TET3: variants seen among roughly 807,000 people sequenced by gnomAD.
TET3 encodes methylcytosine dioxygenase TET3.
A neutral mutation model predicts 141.4 loss-of-function variants in TET3; 19 were observed. The ratio of observed to expected loss-of-function variants is 0.13; its 90% confidence interval spans 0.09 to 0.20. The LOEUF is 0.20. Among genes scored for constraint, TET3 ranks in the 10% least tolerant of loss-of-function variants. The pLI is 1.00. For synonymous variants in TET3, 1,043 were observed against 980.9 expected (o/e 1.06, Z -1.18); for missense variants, 1,874 against 2,356.9 (o/e 0.80, Z 4.24).
At position 74,046,473 on chromosome 2, in the gene TET3, C is replaced by T. The variant is rs1573776877; in HGVS notation, c.556C>T (p.Pro186Ser). 1.9e-6 allele frequency: 3 copies of T among 1,612,846 alleles called. No individual in the cohort carries two copies. The highest frequency in any genetic ancestry group is 2.5e-6 in the Non-Finnish European group (3 of 1,179,212). The change falls in exon 4 of 12, where the codon CCA becomes TCA. Residue 186 changes from proline (P) to serine (S), a missense_variant. By Grantham distance (74) the Pro-to-Ser change is moderately conservative (BLOSUM62 -1). Coordinates refer to ENST00000409262, the MANE Select transcript of TET3 (RefSeq NM_001287491.2). This position sits in a 1 kb window ranked among gnomAD's most constrained non-coding sequence, Gnocchi z 4.3. Reference sequence around the variant, plus strand: ...CCAAAAGCCCGACTGGGAGGCTGCCCCAGGCCCAGCTCATACTGCTCGCCT... The same window carrying T: ...CCAAAAGCCCGACTGGGAGGCTGCCTCAGGCCCAGCTCATACTGCTCGCCT... ...VDQKPDWEAA[P>S]GPAHTARLED...
intron 3 of TET3, among the ~76,000 whole-genome samples, chr2:74,025,255 C>G (rs28450901): frequency 0.33 from 48,820 of 146,578 alleles, 9,003 homozygotes; most frequent in African/African-American, 0.49. Flanking sequence ...AGTAGCAAAA[C>G]TGATGTCCTT....
chr2:74,029,711 C>A (rs1376102649), intron 3 of TET3, among the ~76,000 whole-genome samples: 1 of 152,192 alleles, frequency 6.6e-6, no homozygotes, highest in Non-Finnish European at 1.5e-5. Context: ...TCTCTCTCAG[C>A]AACTTCTACT....
chr2:74,065,277 T>A (rs1358557116), intron 4 of TET3, among the ~76,000 whole-genome samples: 1 of 152,322 alleles, frequency 6.6e-6, no homozygotes, highest in East Asian at 1.9e-4. Flanking sequence ...TTTTTTCCTC[T>A]TTTCTCTTTT....
intron 3 of TET3, among the ~76,000 whole-genome samples, chr2:74,006,840 T>C (rs1206984558): frequency 6.6e-6 from 1 of 152,224 alleles, no homozygotes; most frequent in Non-Finnish European, 1.5e-5. Context: ...CTCCCCCTTG[T>C]TCTCAGCGTC....
At chr2:74,081,287 A>C (rs922210702) in intron 6 of TET3, among the ~76,000 whole-genome samples, 1 of 152,220 alleles carries the variant, frequency 6.6e-6, no homozygotes, top group African/African-American at 2.4e-5. Context: ...GCCTCTGCAG[A>C]AGAAGTGCTG....
At position 73,998,187 on chromosome 2, in the gene TET3, C is replaced by T. The variant is rs544399621; in HGVS notation, c.304-4923C>T. ...GGAAGTCTTCTGCTGGGGCTGTCCC[C>T]GGGTTTCTAGCTCAGCATTCGTGCC... On this transcript the variant is annotated intron_variant, in intron 2 of 11. Coordinates refer to ENST00000409262, the MANE Select transcript of TET3 (RefSeq NM_001287491.2). 6 of 152,368 alleles carry T rather than the reference C, an allele frequency of 3.9e-5. No homozygotes were observed. In the East Asian group the frequency reaches 9.7e-4, roughly 25 times the overall value. 9.4% of individuals were successfully genotyped at this position (152,368 alleles called of 1,614,324 possible). A position where few individuals can be genotyped will look rare whatever the true frequency, so the allele number is the denominator to read the frequency against.
chr2:74,017,418 AACC>A (rs777420896), intron 3 of TET3, among the ~76,000 whole-genome samples: 1 of 152,194 alleles, frequency 6.6e-6, no homozygotes, highest in African/African-American at 2.4e-5. Flanking sequence ...AGCCTCTGAT[AACC>A]ACTGTTCTTC....
intron 5 of TET3, among the ~76,000 whole-genome samples, chr2:74,078,179 T>C (rs562804222): frequency 6.6e-6 from 1 of 152,316 alleles, no homozygotes; most frequent in African/African-American, 2.4e-5. Flanking sequence ...GACAAGAGCT[T>C]GTTTTAAAAA....
the TET3 span, among the ~76,000 whole-genome samples, chr2:74,114,355 G>C: frequency 6.6e-6 from 1 of 152,162 alleles, no homozygotes; most frequent in Non-Finnish European, 1.5e-5. Context: ...ATTGGGTACA[G>C]TGTACACAGC....
intron 5 of TET3, among the ~76,000 whole-genome samples, chr2:74,077,542 A>G (rs1252679669): frequency 6.6e-6 from 1 of 152,268 alleles, no homozygotes; most frequent in Non-Finnish European, 1.5e-5. Flanking sequence ...TAGGCCAAAA[A>G]GTAAGGCACT....
At position 73,986,013 on chromosome 2, in the gene TET3, A is replaced by G; in HGVS notation, c.-391A>G. On this transcript the variant is annotated 5_prime_UTR_variant, in exon 2 of 12. Transcript: ENST00000409262. Reference sequence around the variant, plus strand: ...GCCTTCTCCAGCGTCCAGACCCTGGAGGAAAAATACCAGGAGAAACTGCTC... The same window carrying G: ...GCCTTCTCCAGCGTCCAGACCCTGGGGGAAAAATACCAGGAGAAACTGCTC... 5.8e-6 allele frequency: 1 copy of G among 171,912 alleles called. No homozygotes were observed. Among genetic ancestry groups the G allele is most frequent in the Non-Finnish European group, 1.2e-5 (1 of 81,748 alleles). 10.6% of individuals were successfully genotyped at this position (171,912 alleles called of 1,614,324 possible). A position where few individuals can be genotyped will look rare whatever the true frequency, so the allele number is the denominator to read the frequency against.
Position 74,089,080 on chromosome 2 carries a change from CAAAAAAAAAAA to C in TET3, c.2889-803_2889-793del, listed in dbSNP as rs34315040. Among the ~76,000 whole-genome samples, 13 of 60,572 alleles carry C rather than the reference CAAAAAAAAAAA, an allele frequency of 2.1e-4. No homozygotes were observed. In the East Asian group the frequency reaches 3.7e-3, roughly 17 times the overall value. The allele number at this position is 60,572 out of a possible 152,430, so 39.7% of individuals were successfully genotyped here. On this transcript the variant is annotated intron_variant, in intron 7 of 11. Transcript: ENST00000409262. ...TGAGCAACAGAACAGGATTCCGTCTCAAAAAAAAAAAAAAAAAAAAAAAAGACATAGAACAG... is the reference window on the plus strand; with the variant it reads ...TGAGCAACAGAACAGGATTCCGTCTCAAAAAAAAAAAAAGACATAGAACAG...
chr2:74,014,782 G>C (rs1374847594), intron 3 of TET3, among the ~76,000 whole-genome samples: 1 of 152,134 alleles, frequency 6.6e-6, no homozygotes. Flanking sequence ...CAGGCTAAAG[G>C]CTTGCTCCCT....
intron 10 of TET3, among the ~76,000 whole-genome samples, 177 bp from the exon 11 acceptor site, chr2:74,099,099 A>G (rs1390816379): frequency 6.6e-6 from 1 of 152,172 alleles, no homozygotes; most frequent in East Asian, 1.9e-4. Context: ...TGCTGGTGAT[A>G]CTGTTGCCCC....
chr2:74,039,803 T>C (rs1276164892), intron 3 of TET3, among the ~76,000 whole-genome samples: 1 of 152,190 alleles, frequency 6.6e-6, no homozygotes, highest in Non-Finnish European at 1.5e-5. Flanking sequence ...GACTCCTCCA[T>C]GTGGCCTCTC....
rs1003164152 is a variant in TET3 at position 73,992,514 on chromosome 2, A to G, written c.303+5808A>G. Among the ~76,000 whole-genome samples, 10 of 152,146 alleles carry G rather than the reference A, an allele frequency of 6.6e-5. 1 individual carries two copies. In the South Asian group the frequency reaches 2.1e-3, roughly 32 times the overall value. The stretch of plus-strand genomic sequence containing the variant: ...TTTTTAGTAGAGAAGGGGGTTCACC[A>G]TGTTCGCCAGGCTGGTGTTGAACTC... On this transcript the variant is annotated intron_variant, in intron 2 of 11. Coordinates refer to ENST00000409262, the MANE Select transcript of TET3 (RefSeq NM_001287491.2).
intron 4 of TET3, among the ~76,000 whole-genome samples, chr2:74,058,831 T>C (rs1558755888): frequency 6.6e-6 from 1 of 152,092 alleles, no homozygotes; most frequent in Non-Finnish European, 1.5e-5. Context: ...CCCACACTCA[T>C]GTATAAAAGG....
At chr2:74,062,658 A>G (rs1293453955) in intron 4 of TET3, among the ~76,000 whole-genome samples, 3 of 152,214 alleles carry the variant, frequency 2.0e-5, no homozygotes, top group Non-Finnish European at 4.4e-5. Context: ...AATAGAAAAT[A>G]CAAAATCTGC....
chr2:74,035,233 C>T lies in TET3; in HGVS notation c.361-11045C>T, dbSNP rs548599821. 3.1e-3 allele frequency among the ~76,000 whole-genome samples: 440 copies of T among 143,432 alleles called. 5 individuals carry two copies. The highest frequency in any genetic ancestry group is 0.01 in the African/African-American group (404 of 38,748). 94.1% of individuals were successfully genotyped at this position (143,432 alleles called of 152,430 possible). On this transcript the variant is annotated intron_variant, in intron 3 of 11. Coordinates refer to ENST00000409262, the MANE Select transcript of TET3 (RefSeq NM_001287491.2). Reference sequence around the variant, plus strand: ...AAAAAAAAAAAAAAGTTATTGGGGCCGGGCATGGTGGTTTGAGGTCAGGAG... The same window carrying T: ...AAAAAAAAAAAAAAGTTATTGGGGCTGGGCATGGTGGTTTGAGGTCAGGAG...
Sources: allele counts gnomAD v4.1 joint callset (sites outside exome capture counted in the v4.1 genomes callset), GRCh38; gene constraint gnomAD v4.1.1; non-coding constraint Gnocchi (gnomAD v3.1); transcripts MANE v1.5; gene names NCBI Gene and HGNC (gene_info 2026-07-23, HGNC 2026-07-21).